DNM1L: variants seen among roughly 807,000 people sequenced by gnomAD.
DNM1L encodes dynamin 1L, also known as dynamin-1-like protein.
Under a neutral mutation model 92.8 loss-of-function variants are expected in DNM1L, and 33 were observed. That is an observed-to-expected ratio of 0.36 (90% CI 0.27 to 0.48). The LOEUF (loss-of-function observed/expected upper bound fraction) is 0.48, where lower values mean the gene tolerates loss of function less well. Ranked by LOEUF, DNM1L falls within the 20% of genes least tolerant of loss-of-function variation. The pLI is 0.99. For missense variants in DNM1L, 485 were observed against 888.8 expected (o/e 0.55, Z 5.78); for synonymous variants, 284 against 305.0 (o/e 0.93, Z 0.72).
At chr12:32,721,987 G>A (rs1279114917) in intron 8 of DNM1L, among the ~76,000 whole-genome samples, 2 of 152,174 alleles carry the variant, frequency 1.3e-5, no homozygotes, top group African/African-American at 2.4e-5. Flanking sequence ...TGGAGCTTCC[G>A]TGCCCTCTCT....
chr12:32,729,262 T>TAAA (rs1954379153), intron 9 of DNM1L, among the ~76,000 whole-genome samples: 1 of 151,890 alleles, frequency 6.6e-6, no homozygotes, highest in African/African-American at 2.4e-5. Context: ...TTTGTATTTT[T>TAAA]AGTAGAGATG....
chr12:32,725,866 A>C (rs28464612), intron 9 of DNM1L, among the ~76,000 whole-genome samples: 21,429 of 150,770 alleles, frequency 0.14, 1,561 homozygotes, highest in Middle Eastern at 0.19. Flanking sequence ...CAGCCTCCCA[A>C]AGTGCTAGGA....
chr12:32,743,537 T>C lies in DNM1L; in HGVS notation c.*127T>C, dbSNP rs529490297. 1.3e-5 allele frequency: 11 copies of C among 865,434 alleles called. No individual in the cohort carries two copies. The East Asian group carries it at 2.9e-4, about 23-fold the overall frequency. The allele number at this position is 865,434 out of a possible 1,614,324, so 53.6% of individuals were successfully genotyped here. The stretch of plus-strand genomic sequence containing the variant: ...TGAATCTGCTCATGTGGAGACTGGC[T>C]ATAAACTGAAAAGTGTATTCCAAAT... On this transcript the variant is annotated 3_prime_UTR_variant, in exon 20 of 20. Coordinates refer to ENST00000549701, the MANE Select transcript of DNM1L (RefSeq NM_012062.5).
chr12:32,720,088 C>A (rs1953737442), intron 7 of DNM1L, among the ~76,000 whole-genome samples: 1 of 152,148 alleles, frequency 6.6e-6, no homozygotes, highest in African/African-American at 2.4e-5. Flanking sequence ...AAGATCCATT[C>A]CAGTTGTCTG....
chr12:32,696,668 CCAATGGCGTG>C (rs1952479573), intron 1 of DNM1L, among the ~76,000 whole-genome samples: 2 of 135,840 alleles, frequency 1.5e-5, no homozygotes, highest in African/African-American at 5.8e-5. Flanking sequence ...TTATTGTTGT[CCAATGGCGTG>C]CAATGGCGTG....
chr12:32,736,809 G>T (rs1052642491), intron 13 of DNM1L: 2 of 382,418 alleles, frequency 5.2e-6, no homozygotes, highest in Non-Finnish European at 4.9e-6. Flanking sequence ...TAGTGGGAAA[G>T]GGGGAGAAGA....
intron 2 of DNM1L, among the ~76,000 whole-genome samples, chr12:32,705,672 A>G (rs1346869076): frequency 6.6e-6 from 1 of 152,194 alleles, no homozygotes; most frequent in African/African-American, 2.4e-5. Flanking sequence ...CTTCTTAGCC[A>G]CTAACTTTAC....
At chr12:32,708,080 G>C in intron 3 of DNM1L, 73 bp from the exon 4 acceptor site, 1 of 808,084 alleles carries the variant, frequency 1.2e-6, no homozygotes, top group Non-Finnish European at 2.1e-6. Context: ...TGAAGTATAT[G>C]GACTCCCCCT....
chr12:32,718,381 A>T (rs1354165190), intron 6 of DNM1L, among the ~76,000 whole-genome samples: 2 of 151,790 alleles, frequency 1.3e-5, no homozygotes, highest in Non-Finnish European at 2.9e-5. Context: ...ATCTCAGGTG[A>T]TCCACCCGCC....
intron 5 of DNM1L, among the ~76,000 whole-genome samples, chr12:32,711,536 ATGGCAACTCATGCCATTTAT>A (rs1242507888): frequency 2.6e-5 from 4 of 152,056 alleles, no homozygotes; most frequent in Admixed American, 6.6e-5. Context: ...ATCGCAATAA[ATGGCAACTCATGCCATTTAT>A]TGGCAACTCA....
chr12:32,712,722 T>G (rs570988926), intron 5 of DNM1L, among the ~76,000 whole-genome samples: 1 of 151,228 alleles, frequency 6.6e-6, no homozygotes, highest in South Asian at 2.1e-4. Context: ...CTGTTCTGCC[T>G]TATTTTCCCA....
chr12:32,682,615 T>C (rs1276148190), intron 1 of DNM1L, among the ~76,000 whole-genome samples: 12 of 152,134 alleles, frequency 7.9e-5, no homozygotes, highest in African/African-American at 2.4e-5. Context: ...GCAGGAAAAT[T>C]AGGGGAGGTT....
intron 8 of DNM1L, 50 bp from the exon 9 acceptor site, chr12:32,722,377 T>C: frequency 6.5e-7 from 1 of 1,541,140 alleles, no homozygotes. Flanking sequence ...GTTTAGGGCT[T>C]TAGAATACAC....
At chr12:32,733,314 G>T in intron 12 of DNM1L, 1 of 217,102 alleles carries the variant, frequency 4.6e-6, no homozygotes, top group Admixed American at 5.4e-5. Context: ...GCCTTGTTAC[G>T]AACTTATTTT....
In DNM1L at chr12:32,740,257, T is replaced by C. The variant is rs1160883151; in HGVS notation, c.1884+17T>C. 1.2e-6 allele frequency: 2 copies of C among 1,614,066 alleles called. No individual in the cohort carries two copies. The highest frequency in any genetic ancestry group is 2.7e-5 in the African/African-American group (2 of 74,924). On this transcript the variant is annotated intron_variant, in intron 17 of 19. Coordinates refer to ENST00000549701, the MANE Select transcript of DNM1L (RefSeq NM_012062.5). ...CTAGATGTGGTAAGCCATGACAATTTGGTTTAGGTAATAAGGTAGGTGACC... is the reference window on the plus strand; with the variant it reads ...CTAGATGTGGTAAGCCATGACAATTCGGTTTAGGTAATAAGGTAGGTGACC...
chr12:32,733,242 A>G (rs1259289493), intron 12 of DNM1L, among the ~76,000 whole-genome samples: 1 of 152,272 alleles, frequency 6.6e-6, no homozygotes, highest in African/African-American at 2.4e-5. Context: ...AAGGCTAATC[A>G]GTCACTACCT....
intron 6 of DNM1L, among the ~76,000 whole-genome samples, chr12:32,713,689 A>C (rs1214512024): frequency 6.6e-6 from 1 of 152,142 alleles, no homozygotes; most frequent in Non-Finnish European, 1.5e-5. Context: ...TTTTAAGAAT[A>C]AATAACATAG....
chr12:32,704,584 G>A (rs114311214), intron 2 of DNM1L, among the ~76,000 whole-genome samples: 1,892 of 151,404 alleles, frequency 0.012, 38 homozygotes, highest in African/African-American at 0.035. Context: ...TACATGTTTC[G>A]TAGAATAATG....
chr12:32,690,045 T>C (rs1952174538), intron 1 of DNM1L, among the ~76,000 whole-genome samples: 1 of 152,234 alleles, frequency 6.6e-6, no homozygotes, highest in Admixed American at 6.5e-5. Context: ...ACAAGCTAGC[T>C]GTGATTTTTG....
Sources: allele counts gnomAD v4.1 joint callset (sites outside exome capture counted in the v4.1 genomes callset), GRCh38; gene constraint gnomAD v4.1.1; transcripts MANE v1.5; gene names NCBI Gene and HGNC (gene_info 2026-07-23, HGNC 2026-07-21).